Variants in IL1RAPL2 observed in about 807,000 individuals in gnomAD.
IL1RAPL2 encodes the protein X-linked interleukin-1 receptor accessory protein-like 2.
IL1RAPL2 carries 3 observed loss-of-function variants against 44.1 expected under a neutral mutation model. The observed-to-expected ratio is 0.07, with a 90% CI of 0.03 to 0.18. The LOEUF is 0.18. Ranked by LOEUF, IL1RAPL2 falls within the 10% of genes least tolerant of loss-of-function variation. IL1RAPL2 has a pLI of 1.00. For missense variants in IL1RAPL2, 391 were observed against 496.4 expected (o/e 0.79, Z 2.02); for synonymous variants, 181 against 178.8 (o/e 1.01, Z -0.10).
intron 2 of IL1RAPL2, among the ~76,000 whole-genome samples, chrX:105,019,580 T>G (rs1396634053): frequency 9.0e-6 from 1 of 111,521 alleles, no homozygotes; most frequent in Non-Finnish European, 1.9e-5. Context: ...AAGGAATGTC[T>G]TATTGCTTGC....
chrX:105,544,827 A>G (rs1333406150), intron 6 of IL1RAPL2, among the ~76,000 whole-genome samples: 1 of 109,873 alleles, frequency 9.1e-6, no homozygotes, highest in African/African-American at 3.3e-5. Context: ...TTTCAGTTAA[A>G]TATTTTTTGT....
chrX:105,479,171 G>A (rs2147773862), intron 5 of IL1RAPL2, among the ~76,000 whole-genome samples: 1 of 111,359 alleles, frequency 9.0e-6, no homozygotes, highest in African/African-American at 3.3e-5. Flanking sequence ...TGTGGGCCTG[G>A]TGAAATCAGA....
At chrX:104,990,064 T>TCAGTCA (rs751960467) in intron 2 of IL1RAPL2, among the ~76,000 whole-genome samples, 3 of 111,865 alleles carry the variant, frequency 2.7e-5, no homozygotes, top group Non-Finnish European at 5.6e-5. Context: ...TGTGTTACCC[T>TCAGTCA]CAGTCACAGT....
At chrX:105,736,821 A>C (rs1000623772) in intron 7 of IL1RAPL2, among the ~76,000 whole-genome samples, 1 of 112,064 alleles carries the variant, frequency 8.9e-6, no homozygotes, top group African/African-American at 3.2e-5. Context: ...GCAATTTCTC[A>C]AACAACTTAA....
At chrX:105,482,469 T>C (rs899606964) in intron 5 of IL1RAPL2, among the ~76,000 whole-genome samples, 10 of 111,852 alleles carry the variant, frequency 8.9e-5, no homozygotes, top group African/African-American at 2.9e-4. Context: ...ATACATATTG[T>C]ATGTCATCTT....
At chrX:104,959,143 T>TA (rs775581660) in intron 2 of IL1RAPL2, among the ~76,000 whole-genome samples, 14 of 110,468 alleles carry the variant, frequency 1.3e-4, no homozygotes, top group South Asian at 1.2e-3. Flanking sequence ...CTTGCTCTGT[T>TA]AAAAAAAATT....
chrX:105,414,505 T>A (rs2035719054), intron 5 of IL1RAPL2, among the ~76,000 whole-genome samples: 1 of 112,084 alleles, frequency 8.9e-6, no homozygotes, highest in Non-Finnish European at 1.9e-5. Flanking sequence ...TTAACTTGAA[T>A]TTATAAGATC....
intron 6 of IL1RAPL2, among the ~76,000 whole-genome samples, chrX:105,604,529 A>G (rs2037278875): frequency 9.0e-6 from 1 of 111,264 alleles, no homozygotes; most frequent in African/African-American, 3.3e-5. Context: ...CCAAAAAAAA[A>G]AGAAAAGCCC....
intron 2 of IL1RAPL2, among the ~76,000 whole-genome samples, chrX:104,838,692 C>G (rs1257794776): frequency 9.0e-6 from 1 of 110,573 alleles, no homozygotes; most frequent in Non-Finnish European, 1.9e-5. Context: ...GATTTCCCCT[C>G]TTCCTATTCG....
chrX:104,783,318 G>A, intron 2 of IL1RAPL2, among the ~76,000 whole-genome samples: 1 of 111,001 alleles, frequency 9.0e-6, no homozygotes, highest in Non-Finnish European at 1.9e-5. Context: ...AAGTTAGTGA[G>A]AGGTGTTTCC....
Position 104,803,406 on chromosome X carries a change from T to G in IL1RAPL2, c.82+144411T>G, listed in dbSNP as rs1343110812. Among the ~76,000 whole-genome samples, 4 of 112,278 alleles carry G rather than the reference T, an allele frequency of 3.6e-5. No individual in the cohort carries two copies. The South Asian group carries it at 1.1e-3, about 31-fold the overall frequency. On this transcript the variant is annotated intron_variant, in intron 2 of 10. Coordinates refer to ENST00000372582, the MANE Select transcript of IL1RAPL2 (RefSeq NM_017416.2). ...ATAAGGATCACCTTTGATTAAGATCTTCTCTGCCAGGCTCTATTGGAATAG... is the reference window on the plus strand; with the variant it reads ...ATAAGGATCACCTTTGATTAAGATCGTCTCTGCCAGGCTCTATTGGAATAG...
chrX:105,064,092 G>A (rs1376553537), intron 2 of IL1RAPL2, among the ~76,000 whole-genome samples: 1 of 112,207 alleles, frequency 8.9e-6, no homozygotes, highest in Non-Finnish European at 1.9e-5. Flanking sequence ...CAATCACCAG[G>A]TGGTGAAGCT....
At chrX:105,200,915 CCACACA>C (rs61216729) in intron 3 of IL1RAPL2, among the ~76,000 whole-genome samples, 1,773 of 104,328 alleles carry the variant, frequency 0.017, 41 homozygotes, top group African/African-American at 0.057. Flanking sequence ...CGTTTCACAC[CCACACA>C]CACACACACA....
chrX:104,864,311 T>C (rs1922561846), intron 2 of IL1RAPL2, among the ~76,000 whole-genome samples: 1 of 112,357 alleles, frequency 8.9e-6, no homozygotes, highest in Non-Finnish European at 1.9e-5. Context: ...TTATTAGGTA[T>C]CACATTCATT....
chrX:104,611,815 C>T (rs5962957), intron 1 of IL1RAPL2, among the ~76,000 whole-genome samples: 13,177 of 83,374 alleles, frequency 0.16, 2,885 homozygotes, highest in African/African-American at 0.55. Context: ...CCAGCCTGGG[C>T]GACAGAGCGA....
chrX:104,839,096 G>A (rs1384092802), intron 2 of IL1RAPL2, among the ~76,000 whole-genome samples: 2 of 109,166 alleles, frequency 1.8e-5, no homozygotes, highest in Non-Finnish European at 3.8e-5. Context: ...TGATCCACCT[G>A]CCTCAGCCTC....
intron 6 of IL1RAPL2, among the ~76,000 whole-genome samples, chrX:105,714,645 C>T (rs976167248): frequency 8.9e-6 from 1 of 111,789 alleles, no homozygotes. Flanking sequence ...ATCCTTTTCT[C>T]AGAAGCCCAC....
intron 1 of IL1RAPL2, among the ~76,000 whole-genome samples, chrX:104,615,485 T>G (rs1929253050): frequency 1.8e-5 from 2 of 109,773 alleles, no homozygotes; most frequent in African/African-American, 3.3e-5. Context: ...AGTGTTTAGT[T>G]TTCTGTTCCT....
At chrX:104,923,287 C>T (rs1332193398) in intron 2 of IL1RAPL2, among the ~76,000 whole-genome samples, 2 of 111,730 alleles carry the variant, frequency 1.8e-5, no homozygotes, top group South Asian at 3.7e-4. Flanking sequence ...TGCAAACACC[C>T]AGATTTAAGA....
Sources: gnomAD v4.1 joint callset for allele counts (sites outside exome capture counted in the v4.1 genomes callset) on GRCh38, gnomAD v4.1.1 for gene constraint, MANE v1.5 for transcripts, NCBI Gene and HGNC (gene_info 2026-07-23, HGNC 2026-07-21) for gene names.